The following ODAD4 variants were observed in gnomAD, a reference collection of about 807,000 sequenced individuals.
The protein encoded by ODAD4 is outer dynein arm docking complex subunit 4.
In ODAD4, 49 loss-of-function variants were observed where a neutral mutation model predicts 51.8. The observed-to-expected ratio is 0.95, with a 90% CI of 0.75 to 1.20. ODAD4 has a LOEUF of 1.20. Ranked by LOEUF, ODAD4 falls within the 50% of genes most tolerant of loss-of-function variation. ODAD4 has a pLI of 0.00. For missense variants in ODAD4, 590 were observed against 586.5 expected, an observed-to-expected ratio of 1.01 and a Z score of -0.06; for synonymous variants, 235 against 221.3, an observed-to-expected ratio of 1.06 and a Z score of -0.55.
chr17:41,954,129 T>C (rs2144527095), intron 9 of ODAD4, among the ~76,000 whole-genome samples: 1 of 151,926 alleles, frequency 6.6e-6, no homozygotes, highest in South Asian at 2.1e-4. Context: ...GGGTTTACAG[T>C]CGCCCGTCAC....
Position 41,936,611 on chromosome 17 carries a change from T to A in ODAD4, c.459+77T>A, listed in dbSNP as rs1417196474. 18 of 1,520,156 alleles carry A rather than the reference T, an allele frequency of 1.2e-5. No individual in the cohort carries two copies. In the South Asian group the frequency reaches 2.0e-4, roughly 17 times the overall value. 94.2% of individuals were successfully genotyped at this position (1,520,156 alleles called of 1,614,324 possible). On this transcript the variant is annotated intron_variant, in intron 4 of 11. Coordinates refer to ENST00000377540, the MANE Select transcript of ODAD4 (RefSeq NM_031421.5). ...TGCCTGAGAAGGGGTCTTGGGAGTC[T>A]AGCTGCAACCTGACCAGGCATACTC...
intron 11 of ODAD4, among the ~76,000 whole-genome samples, chr17:41,964,353 G>A (rs1393639125): frequency 6.6e-6 from 1 of 151,798 alleles, no homozygotes; most frequent in Non-Finnish European, 1.5e-5. Context: ...GAGCCATGCC[G>A]CCCGGCCGTG....
chr17:41,957,529 G>C (rs905726740), intron 10 of ODAD4, among the ~76,000 whole-genome samples: 1 of 152,296 alleles, frequency 6.6e-6, no homozygotes, highest in East Asian at 1.9e-4. Flanking sequence ...CTAAATTGAC[G>C]TTAGGACTTG....
In ODAD4 at chr17:41,935,203, G is replaced by A; in HGVS notation, c.115-14G>A. 1 of 1,613,758 alleles carries A rather than the reference G, an allele frequency of 6.2e-7. No homozygotes were observed. The highest frequency in any genetic ancestry group is 8.5e-7 in the Non-Finnish European group (1 of 1,179,834). The stretch of plus-strand genomic sequence containing the variant: ...CTTCATGCTGGCTGTCAACCTGACT[G>A]GTTTCTTTGTCAGGCTCTTTACCTT... On this transcript the variant is annotated splice_polypyrimidine_tract_variant and intron_variant, in intron 1 of 11. Transcript: ENST00000377540.
chr17:41,938,732 C>A lies in ODAD4; in HGVS notation c.801C>A (p.Pro267=). The change falls in exon 6 of 12, where the codon CCC becomes CCA. Residue 267 remains proline, a synonymous_variant. Transcript: ENST00000377540. ...EKWLRDHKRR[P]SQTAHYILKS... ...GGCTGCGGGACCACAAACGCCGTCC[C>A]TCACAGACAGCCCATTACATCCTCA... The A allele has an allele frequency of 6.2e-7, 1 of 1,613,742 alleles. No homozygotes were observed. Among genetic ancestry groups the A allele is most frequent in the Non-Finnish European group, 8.5e-7 (1 of 1,179,898 alleles).
At chr17:41,943,349 C>T (rs1423253568) in intron 7 of ODAD4, among the ~76,000 whole-genome samples, 1 of 152,164 alleles carries the variant, frequency 6.6e-6, no homozygotes, top group Non-Finnish European at 1.5e-5. Context: ...GGATGTCACA[C>T]GTGTCCATGT....
intron 8 of ODAD4, among the ~76,000 whole-genome samples, chr17:41,946,359 T>C: frequency 6.6e-6 from 1 of 152,246 alleles, no homozygotes; most frequent in South Asian, 2.1e-4. Context: ...GGAGTCTCAC[T>C]CTGTCACCCA....
intron 10 of ODAD4, among the ~76,000 whole-genome samples, chr17:41,959,594 G>C (rs1183056171): frequency 6.6e-6 from 1 of 152,170 alleles, no homozygotes; most frequent in African/African-American, 2.4e-5. Flanking sequence ...TGGCCAGGCC[G>C]AGGAGGGGCA....
intron 7 of ODAD4, among the ~76,000 whole-genome samples, chr17:41,940,168 C>T (rs1555638519): frequency 6.6e-6 from 1 of 152,144 alleles, no homozygotes; most frequent in Admixed American, 6.5e-5. Flanking sequence ...CCTTGATCTC[C>T]CATCATCCCA....
At chr17:41,938,023 C>G (rs1555638082) in intron 5 of ODAD4, among the ~76,000 whole-genome samples, 2 of 152,248 alleles carry the variant, frequency 1.3e-5, no homozygotes, top group Non-Finnish European at 2.9e-5. Context: ...TGAATGCCTC[C>G]TATTCTCCAG....
In ODAD4 at chr17:41,930,960, C is replaced by T. The variant is rs1369195615; in HGVS notation, c.114+123C>T. On this transcript the variant is annotated intron_variant, in intron 1 of 11. Transcript: ENST00000377540. The stretch of plus-strand genomic sequence containing the variant: ...CTAGGCTGGAGTGCAATGGCACGAT[C>T]TCGGCTCGCCGCAACCTCCGCCTCC... 1.2e-5 allele frequency: 7 copies of T among 582,300 alleles called. No homozygotes were observed. In the African/African-American group the frequency reaches 1.5e-4, roughly 13 times the overall value. 36.1% of individuals were successfully genotyped at this position (582,300 alleles called of 1,614,324 possible). A position where few individuals can be genotyped will look rare whatever the true frequency, so the allele number is the denominator to read the frequency against.
intron 8 of ODAD4, among the ~76,000 whole-genome samples, chr17:41,946,624 T>C (rs1375048273): frequency 6.6e-6 from 1 of 151,648 alleles, no homozygotes; most frequent in Non-Finnish European, 1.5e-5. Flanking sequence ...CGCACCCAGC[T>C]CAATTTATCA....
chr17:41,938,192 C>T (rs961143535), intron 5 of ODAD4, among the ~76,000 whole-genome samples: 1 of 152,222 alleles, frequency 6.6e-6, no homozygotes, highest in Non-Finnish European at 1.5e-5. Context: ...TGGGAAATCA[C>T]TGGGCACTGG....
At chr17:41,933,645 G>A (rs2050380969) in intron 1 of ODAD4, among the ~76,000 whole-genome samples, 2 of 150,350 alleles carry the variant, frequency 1.3e-5, no homozygotes, top group South Asian at 2.1e-4. Context: ...AGAGCAAAAC[G>A]CCATCTCAAA....
At chr17:41,961,758 A>T (rs1555641778) in intron 11 of ODAD4, among the ~76,000 whole-genome samples, 1 of 152,164 alleles carries the variant, frequency 6.6e-6, no homozygotes, top group Non-Finnish European at 1.5e-5. Context: ...AAGGTGTTAG[A>T]TTCTGGGGAG....
At position 41,945,194 on chromosome 17, in the gene ODAD4, G is replaced by T. The variant is rs782774162; in HGVS notation, c.1117G>T (p.Val373Phe). 12 of 1,613,182 alleles carry T rather than the reference G, an allele frequency of 7.4e-6. No homozygotes were observed. The highest frequency in any genetic ancestry group is 1.0e-5 in the Non-Finnish European group (12 of 1,179,718). Residue 373 changes from valine (V) to phenylalanine (F), a missense_variant, in exon 8 of 12, where the codon GTT becomes TTT. Val to Phe is a conservative substitution (Grantham distance 50, BLOSUM62 -1). Transcript: ENST00000377540. ...CAACATTGGCAGAGTTTTTGCCAGAGTTGGGAAATTCCAGCAAGCCATTGA... is the reference window on the plus strand; with the variant it reads ...CAACATTGGCAGAGTTTTTGCCAGATTTGGGAAATTCCAGCAAGCCATTGA... ...LDNIGRVFAR[V>F]GKFQQAIDTW...
chr17:41,953,874 C>T (rs1444271235), intron 9 of ODAD4, among the ~76,000 whole-genome samples: 1 of 151,352 alleles, frequency 6.6e-6, no homozygotes. Flanking sequence ...ACTATGTTGC[C>T]CAGGCTGGTC....
At position 41,949,289 on chromosome 17, in the gene ODAD4, G is replaced by A. The variant is rs1214168206; in HGVS notation, c.1282G>A (p.Glu428Lys). ...TGGCGAGAAGTCCCAGCAGTGTGCC[G>A]AGGAGGAAGGGGACATTGAGTGGCA... ...NYGEKSQQCAEEEGDIEWQLN... is the reference protein window; with the variant it reads ...NYGEKSQQCAKEEGDIEWQLN... Residue 428 changes from glutamate to lysine, a missense_variant, in exon 9 of 12, where the codon GAG becomes AAG. By Grantham distance (56) the Glu-to-Lys change is moderately conservative (BLOSUM62 1). This residue lies in a region of ODAD4 where 226 missense variants were observed against 162.7 expected (regional missense o/e 1.39). Transcript: ENST00000377540. The A allele has an allele frequency of 7.5e-6, 3 of 398,512 alleles. No homozygotes were observed. The highest frequency in any genetic ancestry group is 1.3e-4 in the South Asian group (1 of 7,860). 24.7% of individuals were successfully genotyped at this position (398,512 alleles called of 1,614,324 possible). A position where few individuals can be genotyped will look rare whatever the true frequency, so the allele number is the denominator to read the frequency against.
At chr17:41,956,047 CTT>C (rs71357524) in intron 10 of ODAD4, among the ~76,000 whole-genome samples, 12 of 124,904 alleles carry the variant, frequency 9.6e-5, no homozygotes, top group Admixed American at 1.7e-4. Context: ...CTGTACTTAG[CTT>C]TTTTTTTTTT....
Sources: allele counts gnomAD v4.1 joint callset (sites outside exome capture counted in the v4.1 genomes callset), GRCh38; gene constraint gnomAD v4.1.1; regional missense constraint gnomAD v4.1.1; transcripts MANE v1.5; gene names NCBI Gene and HGNC (gene_info 2026-07-23, HGNC 2026-07-21).